PUM1: variants seen among roughly 807,000 people sequenced by gnomAD.
PUM1 encodes pumilio RNA binding family member 1, also known as pumilio homolog 1.
In PUM1, 13 loss-of-function variants were observed where a neutral mutation model predicts 131.8. That is an observed-to-expected ratio of 0.10 (90% CI 0.06 to 0.16). The LOEUF (loss-of-function observed/expected upper bound fraction) is 0.16, where lower values mean the gene tolerates loss of function less well. Ranked by LOEUF, PUM1 falls within the 10% of genes least tolerant of loss-of-function variation. PUM1 has a pLI of 1.00. For missense variants in PUM1, 961 were observed against 1,512.4 expected, an observed-to-expected ratio of 0.64 and a Z score of 6.05; for synonymous variants, 509 against 556.5, an observed-to-expected ratio of 0.91 and a Z score of 1.20.
chr1:31,038,929 T>C (rs1643704424), intron 2 of PUM1, among the ~76,000 whole-genome samples: 1 of 137,816 alleles, frequency 7.3e-6, no homozygotes, highest in Non-Finnish European at 1.5e-5. Flanking sequence ...TTAGAGAATT[T>C]ATATAGCCAT....
At chr1:31,014,666 A>G (rs10914243) in intron 3 of PUM1, among the ~76,000 whole-genome samples, 100,447 of 151,428 alleles carry the variant, frequency 0.66, 34,247 homozygotes, top group East Asian at 0.87. Flanking sequence ...CCAGGCGCCT[A>G]TAATCCCAGC....
chr1:30,944,860 A>G (rs1436754842), intron 18 of PUM1, among the ~76,000 whole-genome samples: 1 of 152,274 alleles, frequency 6.6e-6, no homozygotes, highest in Non-Finnish European at 1.5e-5. Context: ...GACGGAAAGA[A>G]GACCGAGACC....
rs1639023393 is a variant in PUM1, at chr1:30,933,085, G to T, written c.*126C>A. On this transcript the variant is annotated 3_prime_UTR_variant, in exon 22 of 22. Coordinates refer to ENST00000426105, the MANE Select transcript of PUM1 (RefSeq NM_001020658.2). Reference sequence around the variant, plus strand: ...GGATTTGATTCCTTTTTTGGAGGAGGGAGTAATCCTGGAGCAACCACTTGC... The same window carrying T: ...GGATTTGATTCCTTTTTTGGAGGAGTGAGTAATCCTGGAGCAACCACTTGC... 1.7e-6 allele frequency: 2 copies of T among 1,179,118 alleles called. No homozygotes were observed. Among genetic ancestry groups the T allele is most frequent in the African/African-American group, 1.6e-5 (1 of 63,824 alleles). 73.0% of individuals were successfully genotyped at this position (1,179,118 alleles called of 1,614,324 possible). A position where few individuals can be genotyped will look rare whatever the true frequency, so the allele number is the denominator to read the frequency against.
chr1:30,974,518 C>CA (rs1641059566), intron 10 of PUM1, 133 bp downstream of exon 10: 1 of 869,456 alleles, frequency 1.2e-6, no homozygotes, highest in South Asian at 1.9e-5. Flanking sequence ...AGCCTGAACT[C>CA]AGACACACAT....
intron 1 of PUM1, among the ~76,000 whole-genome samples, chr1:31,063,695 C>G (rs1305499121): frequency 6.6e-6 from 1 of 152,136 alleles, no homozygotes; most frequent in African/African-American, 2.4e-5. Context: ...GCACACTAAA[C>G]ACACCTTCAT....
chr1:31,032,533 G>A (rs1455914737), intron 2 of PUM1, among the ~76,000 whole-genome samples: 2 of 148,274 alleles, frequency 1.3e-5, no homozygotes, highest in African/African-American at 5.0e-5. Flanking sequence ...CTCCTGCTCT[G>A]TTGCCCAGGC....
intron 2 of PUM1, among the ~76,000 whole-genome samples, chr1:31,046,511 G>T (rs1229636858): frequency 2.5e-5 from 3 of 122,066 alleles, no homozygotes; most frequent in Non-Finnish European, 5.1e-5. Flanking sequence ...TGTTTTTTTG[G>T]TTTTTTTTTT....
At chr1:31,022,945 G>A (rs1643086448) in intron 3 of PUM1, among the ~76,000 whole-genome samples, 1 of 152,026 alleles carries the variant, frequency 6.6e-6, no homozygotes, top group Admixed American at 6.6e-5. Context: ...GAGGCAGGTG[G>A]ATCACTGGAA....
intron 2 of PUM1, 67 bp downstream of exon 2, chr1:31,059,137 G>A (rs1440557513): frequency 6.7e-7 from 1 of 1,488,046 alleles, no homozygotes; most frequent in Non-Finnish European, 9.0e-7. Flanking sequence ...TTCATTGAAA[G>A]CAGATATCCT....
At chr1:31,052,829 G>A (rs183682397) in intron 2 of PUM1, among the ~76,000 whole-genome samples, 4 of 150,034 alleles carry the variant, frequency 2.7e-5, no homozygotes, top group Admixed American at 2.0e-4. Flanking sequence ...TCAGCCTCTC[G>A]AGCAGCTGGA....
At chr1:30,940,350 C>A (rs189194486) in intron 20 of PUM1, among the ~76,000 whole-genome samples, 39 of 152,254 alleles carry the variant, frequency 2.6e-4, no homozygotes, top group Middle Eastern at 3.4e-3. Flanking sequence ...GTGGCGTGCG[C>A]CTGCAGTCCC....
chr1:30,964,963 C>G, intron 13 of PUM1, 53 bp from the exon 14 acceptor site: 3 of 1,468,040 alleles, frequency 2.0e-6, no homozygotes, highest in Non-Finnish European at 2.9e-6. Flanking sequence ...CTTCGAAGAA[C>G]AAGCCCAGTG....
At chr1:31,038,293 G>C (rs1643683688) in intron 2 of PUM1, among the ~76,000 whole-genome samples, 1 of 151,930 alleles carries the variant, frequency 6.6e-6, no homozygotes, top group Non-Finnish European at 1.5e-5. Context: ...GAACTGAGGG[G>C]GTAGAAATTA....
chr1:30,938,560 TTTC>T (rs946994476), intron 20 of PUM1, among the ~76,000 whole-genome samples: 10 of 152,166 alleles, frequency 6.6e-5, no homozygotes, highest in African/African-American at 2.2e-4. Flanking sequence ...GCCCCTATTT[TTTC>T]TTTTTAAAAT....
chr1:31,001,677 T>A lies in PUM1; in HGVS notation c.720+4176A>T, dbSNP rs546942655. Among the ~76,000 whole-genome samples the A allele has an allele frequency of 2.4e-4, 37 of 152,338 alleles. No homozygotes were observed. The South Asian group carries it at 7.3e-3, about 30-fold the overall frequency. On this transcript the variant is annotated intron_variant, in intron 5 of 21. Transcript: ENST00000426105. ...AAAGAAATTCATGAAAGTACAGTTG[T>A]CTTTTTAAAAAAATACTTTATCCAA...
At chr1:31,015,161 G>A (rs1431006438) in intron 3 of PUM1, among the ~76,000 whole-genome samples, 1 of 152,176 alleles carries the variant, frequency 6.6e-6, no homozygotes, top group Non-Finnish European at 1.5e-5. Context: ...AATAAAAGCA[G>A]AAGAGTGTTT....
intron 18 of PUM1, among the ~76,000 whole-genome samples, chr1:30,944,293 C>T (rs573770119): frequency 1.3e-5 from 2 of 152,200 alleles, no homozygotes; most frequent in South Asian, 2.1e-4. Flanking sequence ...TCATTTTTCC[C>T]CCTTCCCTAA....
intron 2 of PUM1, 88 bp from the exon 3 acceptor site, chr1:31,028,952 T>G (rs1643315505): frequency 9.4e-7 from 1 of 1,063,404 alleles, no homozygotes; most frequent in South Asian, 1.3e-5. Context: ...ATTTATTCTA[T>G]GTTTACTTTC....
chr1:30,979,267 T>C (rs1641263341), intron 9 of PUM1, among the ~76,000 whole-genome samples: 1 of 152,142 alleles, frequency 6.6e-6, no homozygotes, highest in East Asian at 1.9e-4. Flanking sequence ...AAGACCACAG[T>C]GACCAAAGAC....
Sources: allele counts gnomAD v4.1 joint callset (sites outside exome capture counted in the v4.1 genomes callset), GRCh38; gene constraint gnomAD v4.1.1; transcripts MANE v1.5; gene names NCBI Gene and HGNC (gene_info 2026-07-23, HGNC 2026-07-21).